GPC4: variants seen among roughly 807,000 people sequenced by gnomAD.
GPC4 encodes glypican 4.
In GPC4, 10 loss-of-function variants were observed where a neutral mutation model predicts 35.0. The ratio of observed to expected loss-of-function variants is 0.29; its 90% CI spans 0.18 to 0.48. The LOEUF is 0.48. Ranked by LOEUF, GPC4 falls within the 20% of genes least tolerant of loss-of-function variation. GPC4 has a pLI of 0.99. For missense variants in GPC4, 322 were observed against 451.3 expected (o/e 0.71, Z 2.60); for synonymous variants, 167 against 170.2 (o/e 0.98, Z 0.15).
intron 1 of GPC4, 138 bp downstream of exon 1, chrX:133,414,668 C>T: frequency 8.8e-7 from 1 of 1,131,476 alleles, no homozygotes; most frequent in East Asian, 3.1e-5. Flanking sequence ...TCGCTCGCTC[C>T]TGCCCTCTCG....
intron 1 of GPC4, among the ~76,000 whole-genome samples, chrX:133,344,287 G>A (rs1397577837): frequency 1.2e-5 from 1 of 81,307 alleles, no homozygotes; most frequent in Non-Finnish European, 2.2e-5. Context: ...GTGCAATGGC[G>A]TGATCTCAGC....
intron 1 of GPC4, among the ~76,000 whole-genome samples, chrX:133,413,639 C>G (rs1405190396): frequency 4.5e-5 from 5 of 110,795 alleles, no homozygotes; most frequent in Non-Finnish European, 7.6e-5. Flanking sequence ...AGCCCCCCCC[C>G]CGGGCTCGAA....
intron 1 of GPC4, among the ~76,000 whole-genome samples, chrX:133,400,029 G>T (rs937968716): frequency 8.9e-6 from 1 of 112,171 alleles, no homozygotes; most frequent in African/African-American, 3.2e-5. Flanking sequence ...CCTCTCTTTG[G>T]TCTCTGGAAT....
At chrX:133,310,731 A>G (rs781670481) in intron 4 of GPC4, among the ~76,000 whole-genome samples, 14 of 112,069 alleles carry the variant, frequency 1.2e-4, no homozygotes, top group Non-Finnish European at 2.4e-4. Flanking sequence ...TAGATATAAC[A>G]TTTTAAAAGC....
At chrX:133,320,946 G>T (rs778373548) in intron 3 of GPC4, among the ~76,000 whole-genome samples, 115 of 111,646 alleles carry the variant, frequency 1.0e-3, no homozygotes, top group Non-Finnish European at 1.9e-3. Context: ...GGAGGCTGAG[G>T]CAGGAGGATT....
chrX:133,401,272 G>A (rs966987046), intron 1 of GPC4, among the ~76,000 whole-genome samples: 8 of 111,354 alleles, frequency 7.2e-5, no homozygotes, highest in East Asian at 2.8e-4. Flanking sequence ...GGAGTGATAC[G>A]ATCTAAGTTT....
intron 1 of GPC4, among the ~76,000 whole-genome samples, chrX:133,410,562 A>G (rs1391200400): frequency 8.9e-6 from 1 of 111,919 alleles, no homozygotes; most frequent in Non-Finnish European, 1.9e-5. Context: ...TCAGTGCTAA[A>G]ACAGTTAATG....
intron 2 of GPC4, among the ~76,000 whole-genome samples, chrX:133,337,031 C>T (rs1195853503): frequency 1.8e-5 from 2 of 111,124 alleles, no homozygotes; most frequent in Non-Finnish European, 3.8e-5. Flanking sequence ...ATTGCTCAGG[C>T]TGGTCTCGAA....
intron 1 of GPC4, among the ~76,000 whole-genome samples, chrX:133,400,876 G>A (rs1328625789): frequency 1.1e-5 from 1 of 92,433 alleles, no homozygotes; most frequent in Non-Finnish European, 2.1e-5. Context: ...AGAGGAAGAA[G>A]GACGAAGTAT....
chrX:133,383,672 C>T (rs1251566598), intron 1 of GPC4, among the ~76,000 whole-genome samples: 2 of 110,794 alleles, frequency 1.8e-5, no homozygotes, highest in East Asian at 2.8e-4. Context: ...ATGGAAACCC[C>T]GTCTCTACTA....
chrX:133,354,637 C>T (rs1349165785), intron 1 of GPC4, among the ~76,000 whole-genome samples: 3 of 105,807 alleles, frequency 2.8e-5, no homozygotes, highest in Non-Finnish European at 3.8e-5. Context: ...GGCGCAATCT[C>T]GGCTCACTGC....
rs1161131755 is a variant in GPC4, at chrX:133,414,458, C to A, written c.160+348G>T. 4.0e-6 allele frequency: 3 copies of A among 748,755 alleles called. No individual in the cohort carries two copies. The East Asian group carries it at 4.7e-4, about 117-fold the overall frequency. The allele number at this position is 748,755 out of a possible 1,213,427, so 61.7% of individuals were successfully genotyped here. A position where few individuals can be genotyped will look rare whatever the true frequency, so the allele number is the denominator to read the frequency against. ...GGAAAAGGAGAAGTAGCCGGTGACACGCACTTTGAGGGCCACAGTCCTCAG... is the reference window on the plus strand; with the variant it reads ...GGAAAAGGAGAAGTAGCCGGTGACAAGCACTTTGAGGGCCACAGTCCTCAG... On this transcript the variant is annotated intron_variant, in intron 1 of 8. Coordinates refer to ENST00000370828, the MANE Select transcript of GPC4 (RefSeq NM_001448.3).
At chrX:133,411,158 A>G in intron 1 of GPC4, among the ~76,000 whole-genome samples, 1 of 112,473 alleles carries the variant, frequency 8.9e-6, no homozygotes, top group Non-Finnish European at 1.9e-5. Context: ...GTGCATGTAC[A>G]TATGTATGTG....
At chrX:133,330,028 T>G (rs2068411885) in intron 2 of GPC4, among the ~76,000 whole-genome samples, 1 of 111,917 alleles carries the variant, frequency 8.9e-6, no homozygotes, top group African/African-American at 3.2e-5. Context: ...CCACATTAGT[T>G]ACTCCTTTAT....
At chrX:133,309,111 A>G (rs758957160) in intron 4 of GPC4, among the ~76,000 whole-genome samples, 2 of 111,710 alleles carry the variant, frequency 1.8e-5, no homozygotes, top group Non-Finnish European at 3.8e-5. Flanking sequence ...ATTCATGAAA[A>G]AGCACTGGAG....
chrX:133,346,886 G>A (rs1158581476), intron 1 of GPC4, among the ~76,000 whole-genome samples: 1 of 111,355 alleles, frequency 9.0e-6, no homozygotes, highest in Non-Finnish European at 1.9e-5. Context: ...GGGGAGAGGG[G>A]AAAGAATGAA....
At chrX:133,339,519 T>C (rs144458974) in intron 1 of GPC4, among the ~76,000 whole-genome samples, 178 bp from the exon 2 acceptor site, 1 of 111,676 alleles carries the variant, frequency 9.0e-6, no homozygotes, top group East Asian at 2.8e-4. Context: ...GAAAATAAAA[T>C]AATAAAGCCC....
intron 3 of GPC4, among the ~76,000 whole-genome samples, chrX:133,311,889 T>C (rs752059167): frequency 8.9e-6 from 1 of 112,020 alleles, no homozygotes; most frequent in Non-Finnish European, 1.9e-5. Flanking sequence ...TTCTTCTGCA[T>C]TACATTGACT....
intron 1 of GPC4, among the ~76,000 whole-genome samples, chrX:133,341,800 T>G (rs1222151882): frequency 9.1e-6 from 1 of 110,496 alleles, no homozygotes; most frequent in Non-Finnish European, 1.9e-5. Flanking sequence ...AGGTTTAAAC[T>G]CACCCACAGG....
Sources: allele counts gnomAD v4.1 joint callset (sites outside exome capture counted in the v4.1 genomes callset), GRCh38; gene constraint gnomAD v4.1.1; transcripts MANE v1.5; gene names NCBI Gene and HGNC (gene_info 2026-07-23, HGNC 2026-07-21).